Variants in ZNF827 observed in about 807,000 individuals in gnomAD.
The protein encoded by ZNF827 is zinc finger protein 827.
In ZNF827, 13 loss-of-function variants were observed where a neutral mutation model predicts 102.4. The ratio of observed to expected loss-of-function variants is 0.13; its 90% CI spans 0.08 to 0.20. The LOEUF (loss-of-function observed/expected upper bound fraction) is 0.20. ZNF827 is among the 10% of genes least tolerant of loss of function. The probability of loss-of-function intolerance (pLI) is 1.00; values close to 1 mark genes in which losing one functional copy is unlikely to be tolerated. For synonymous variants in ZNF827, 523 were observed against 536.2 expected, an observed-to-expected ratio of 0.98 and a Z score of 0.34; for missense variants, 1,103 against 1,344.4, an observed-to-expected ratio of 0.82 and a Z score of 2.81.
chr4:145,878,323 T>C (rs1749333318), intron 4 of ZNF827, among the ~76,000 whole-genome samples: 1 of 151,700 alleles, frequency 6.6e-6, no homozygotes, highest in Non-Finnish European at 1.5e-5. Flanking sequence ...TGAGTAAAGG[T>C]AGAAAAATGG....
chr4:145,770,625 T>A (rs532850089), intron 11 of ZNF827, among the ~76,000 whole-genome samples: 88 of 152,138 alleles, frequency 5.8e-4, no homozygotes, highest in South Asian at 1.2e-3. Flanking sequence ...ACTAATACTT[T>A]GTATTTTCCC....
Position 145,885,865 on chromosome 4 carries a change from C to T in ZNF827, c.1560G>A (p.Leu520=). The change falls in exon 4 of 15, where the codon TTG becomes TTA. Residue 520 remains leucine (L), a synonymous_variant. Coordinates refer to ENST00000508784, the MANE Select transcript of ZNF827 (RefSeq NM_001306215.2). ...CTTCCTTGGGTTCCTCCTTCACCAG[C>T]AAAGGCGAGACGCCAGCCCCTCCCT... ...TSQGGAGVSP[L]LVKEEPKEDN... 4 of 1,614,236 alleles carry T rather than the reference C, an allele frequency of 2.5e-6. No individual in the cohort carries two copies. The highest frequency in any genetic ancestry group is 3.4e-6 in the Non-Finnish European group (4 of 1,180,038).
chr4:145,874,639 A>G (rs1748998382), intron 4 of ZNF827, among the ~76,000 whole-genome samples: 1 of 152,232 alleles, frequency 6.6e-6, no homozygotes, highest in Non-Finnish European at 1.5e-5. Context: ...TGCTAAGAGA[A>G]AAGCAACCAT....
chr4:145,789,474 G>A (rs1167381220), intron 8 of ZNF827, among the ~76,000 whole-genome samples: 1 of 152,160 alleles, frequency 6.6e-6, no homozygotes, highest in African/African-American at 2.4e-5. Context: ...ACTATATGAT[G>A]CATTTTACAC....
intron 1 of ZNF827, among the ~76,000 whole-genome samples, chr4:145,923,177 A>C (rs1335625111): frequency 6.6e-6 from 1 of 152,236 alleles, no homozygotes; most frequent in East Asian, 1.9e-4. Context: ...TAATCATTGC[A>C]ACTAATCTTT....
Position 145,902,675 on chromosome 4 carries a change from T to G in ZNF827, c.584A>C (p.Lys195Thr). 2.5e-6 allele frequency: 4 copies of G among 1,614,022 alleles called. No individual in the cohort carries two copies. Among genetic ancestry groups the G allele is most frequent in the Non-Finnish European group, 3.4e-6 (4 of 1,180,034 alleles). Reference protein sequence around the residue: ...PSNRFIWNQGKWLPNSTTTCS... With the variant: ...PSNRFIWNQGTWLPNSTTTCS... ...GGTGGTGGTTGAGTTTGGCAACCACTTACCTTGATTCCATATAAAACGGTT... is the reference window on the plus strand; with the variant it reads ...GGTGGTGGTTGAGTTTGGCAACCACGTACCTTGATTCCATATAAAACGGTT... The change falls in exon 2 of 15, where the codon AAG becomes ACG. Residue 195 changes from lysine (K) to threonine (T), a missense_variant. Lys to Thr is a moderately conservative substitution (Grantham distance 78). This residue lies in a region of ZNF827 where 441 missense variants were observed against 458.6 expected (regional missense o/e 0.96). Transcript: ENST00000508784. The surrounding 1 kb of genome is among the most constrained non-coding windows in gnomAD (Gnocchi z 4.3).
intron 5 of ZNF827, among the ~76,000 whole-genome samples, chr4:145,869,678 T>C (rs959695626): frequency 2.0e-5 from 3 of 152,336 alleles, no homozygotes; most frequent in African/African-American, 7.2e-5. Flanking sequence ...ACGCTGAGAT[T>C]ACATTTAGAT....
At chr4:145,796,554 T>C (rs1382000635) in intron 8 of ZNF827, among the ~76,000 whole-genome samples, 2 of 152,086 alleles carry the variant, frequency 1.3e-5, no homozygotes, top group Non-Finnish European at 2.9e-5. Context: ...AATAATACAA[T>C]TTACTGAGAG....
At chr4:145,881,875 T>C (rs925117938) in intron 4 of ZNF827, among the ~76,000 whole-genome samples, 2 of 152,248 alleles carry the variant, frequency 1.3e-5, no homozygotes, top group Admixed American at 6.5e-5. Flanking sequence ...CAAAAAATAC[T>C]GTACCATGTA....
intron 4 of ZNF827, among the ~76,000 whole-genome samples, chr4:145,873,895 C>T (rs1243384316): frequency 6.6e-6 from 1 of 152,110 alleles, no homozygotes; most frequent in Non-Finnish European, 1.5e-5. Context: ...TTTATTAAGT[C>T]TGTGTCTTTG....
intron 1 of ZNF827, 29 bp from the exon 2 acceptor site, chr4:145,903,244 C>G (rs1346126526): frequency 2.6e-6 from 4 of 1,568,482 alleles, no homozygotes; most frequent in Admixed American, 3.5e-5. Flanking sequence ...ATCAGGTTTA[C>G]TCCCAAAGTG....
intron 1 of ZNF827, among the ~76,000 whole-genome samples, chr4:145,928,835 AG>A (rs1336761284): frequency 6.6e-6 from 1 of 152,172 alleles, no homozygotes; most frequent in Non-Finnish European, 1.5e-5. Context: ...AAGATACCTG[AG>A]GGAGGTGGGC....
At chr4:145,826,167 T>C (rs1004098892) in intron 7 of ZNF827, among the ~76,000 whole-genome samples, 4 of 152,100 alleles carry the variant, frequency 2.6e-5, no homozygotes, top group Non-Finnish European at 5.9e-5. Context: ...ATCAGAAAAA[T>C]TGGAGTCTGA....
At chr4:145,894,369 T>C (rs1750821912) in intron 2 of ZNF827, among the ~76,000 whole-genome samples, 1 of 152,182 alleles carries the variant, frequency 6.6e-6, no homozygotes, top group Non-Finnish European at 1.5e-5. Flanking sequence ...GGAGGGAAAC[T>C]TGTGTTTTCA....
At chr4:145,812,137 G>A (rs1292502478) in intron 8 of ZNF827, among the ~76,000 whole-genome samples, 1 of 151,586 alleles carries the variant, frequency 6.6e-6, no homozygotes, top group Non-Finnish European at 1.5e-5. Context: ...TGTTGGTCAG[G>A]CTGGTCTTTA....
intron 9 of ZNF827, 59 bp downstream of exon 9, chr4:145,779,315 G>C: frequency 6.4e-7 from 1 of 1,567,502 alleles, no homozygotes; most frequent in Non-Finnish European, 8.6e-7. Context: ...AGTTTCCGGA[G>C]AGTAAAGAAG....
chr4:145,914,988 A>G (rs919581336), intron 1 of ZNF827, among the ~76,000 whole-genome samples: 3 of 152,200 alleles, frequency 2.0e-5, no homozygotes, highest in African/African-American at 7.2e-5. Context: ...AAAACAGAAT[A>G]CTTAAGACTG....
intron 1 of ZNF827, among the ~76,000 whole-genome samples, chr4:145,904,215 T>C (rs1350076048): frequency 1.3e-5 from 2 of 152,220 alleles, no homozygotes; most frequent in African/African-American, 2.4e-5. Context: ...CAATTCTACT[T>C]ACCCTTCAAC....
rs1734565333 is a variant in ZNF827, at chr4:145,761,870, C to T, written c.*18-272G>A. ...CCGATACAGGCAAGGCCAGCCCTCA[C>T]CAAGGGGAGCAGAGAAAGTGCCAGG... is the stretch of plus-strand genomic sequence containing the variant. On this transcript the variant is annotated intron_variant, in intron 14 of 14. Transcript: ENST00000508784. This position sits in a 1 kb window ranked among gnomAD's most constrained non-coding sequence, Gnocchi z 6.8. 6.6e-6 allele frequency among the ~76,000 whole-genome samples: 1 copy of T among 152,196 alleles called. No individual in the cohort carries two copies. The highest frequency in any genetic ancestry group is 1.5e-5 in the Non-Finnish European group (1 of 68,034).
Sources: allele counts gnomAD v4.1 joint callset (sites outside exome capture counted in the v4.1 genomes callset), GRCh38; gene constraint gnomAD v4.1.1; regional missense constraint gnomAD v4.1.1; non-coding constraint Gnocchi (gnomAD v3.1); transcripts MANE v1.5; gene names NCBI Gene and HGNC (gene_info 2026-07-23, HGNC 2026-07-21).